DGKB: variants seen among roughly 807,000 people sequenced by gnomAD.
DGKB encodes the protein 90 kDa diacylglycerol kinase.
In DGKB, 67 loss-of-function variants were observed where a neutral mutation model predicts 114.3. The observed-to-expected ratio is 0.59, with a 90% CI of 0.48 to 0.72. The LOEUF (loss-of-function observed/expected upper bound fraction) is 0.72, where lower values mean the gene tolerates loss of function less well. DGKB is among the 30% of genes least tolerant of loss of function. The pLI, the probability that DGKB is intolerant of heterozygous loss-of-function variation, is 0.00. For missense variants in DGKB, 907 were observed against 975.2 expected (o/e 0.93, Z 0.93); for synonymous variants, 398 against 323.1 (o/e 1.23, Z -2.49).
chr7:14,428,980 GT>G (rs2128783056), intron 21 of DGKB, among the ~76,000 whole-genome samples: 1 of 152,100 alleles, frequency 6.6e-6, no homozygotes, highest in African/African-American at 2.4e-5. Flanking sequence ...AAAGTTGGTG[GT>G]TTAATAATAC....
At chr7:14,445,345 T>C (rs954984801) in intron 21 of DGKB, among the ~76,000 whole-genome samples, 11 of 152,052 alleles carry the variant, frequency 7.2e-5, no homozygotes, top group African/African-American at 1.9e-4. Context: ...ATTTATTATG[T>C]GGAAGAGGAA....
chr7:14,573,016 G>A (rs561382837), intron 20 of DGKB, among the ~76,000 whole-genome samples: 89 of 152,128 alleles, frequency 5.9e-4, no homozygotes, highest in African/African-American at 2.0e-3. Context: ...ATGGGCATGA[G>A]GGTTCTGATT....
At chr7:14,515,252 T>C (rs1788602636) in intron 20 of DGKB, among the ~76,000 whole-genome samples, 1 of 152,188 alleles carries the variant, frequency 6.6e-6, no homozygotes, top group African/African-American at 2.4e-5. Context: ...TTTCCTAAAT[T>C]AGCAATTGTA....
intron 3 of DGKB, among the ~76,000 whole-genome samples, chr7:14,754,585 A>AC (rs1194973411): frequency 2.0e-5 from 3 of 152,094 alleles, no homozygotes; most frequent in African/African-American, 7.2e-5. Flanking sequence ...AAAGAAAAAA[A>AC]AAATGTGTGG....
intron 21 of DGKB, among the ~76,000 whole-genome samples, chr7:14,407,319 AC>A (rs780839261): frequency 2.6e-5 from 4 of 152,140 alleles, no homozygotes; most frequent in Non-Finnish European, 5.9e-5. Flanking sequence ...TGAGTAACAA[AC>A]AACCTCAAAA....
Position 14,736,197 on chromosome 7 carries a change from G to GT in DGKB, c.169-4_169-3insA. On this transcript the variant is annotated splice_region_variant and splice_polypyrimidine_tract_variant and intron_variant, in intron 4 of 25. Coordinates refer to ENST00000402815, the MANE Select transcript of DGKB (RefSeq NM_001350709.2). ...TTGAAACCTTCAAAATCTATTGTCT[G>GT]GAAAAAAAAAATGTAAACATGTATT... The GT allele has an allele frequency of 7.2e-6, 1 of 139,280 alleles. No homozygotes were observed. The highest frequency in any genetic ancestry group is 1.5e-5 in the Non-Finnish European group (1 of 66,770). 8.6% of individuals were successfully genotyped at this position (139,280 alleles called of 1,614,324 possible).
intron 1 of DGKB, among the ~76,000 whole-genome samples, chr7:14,939,367 T>C (rs777290589): frequency 6.6e-6 from 1 of 152,140 alleles, no homozygotes; most frequent in Non-Finnish European, 1.5e-5. Context: ...CATTATCAAA[T>C]AGAAATACCC....
intron 20 of DGKB, among the ~76,000 whole-genome samples, chr7:14,555,743 G>A (rs977930213): frequency 5.3e-5 from 8 of 152,096 alleles, no homozygotes; most frequent in South Asian, 2.1e-4. Context: ...TAAAGAAGCC[G>A]GCCAAAACCC....
intron 14 of DGKB, among the ~76,000 whole-genome samples, chr7:14,624,311 A>G (rs1563712412): frequency 6.6e-6 from 1 of 152,342 alleles, no homozygotes; most frequent in East Asian, 1.9e-4. Flanking sequence ...AAAATCTGCA[A>G]TGTGAAAGAT....
chr7:14,260,303 T>A (rs1796582122), intron 23 of DGKB, among the ~76,000 whole-genome samples: 1 of 152,210 alleles, frequency 6.6e-6, no homozygotes, highest in African/African-American at 2.4e-5. Context: ...TCATTAGGAC[T>A]CCTTATAAGC....
intron 20 of DGKB, among the ~76,000 whole-genome samples, chr7:14,519,418 CAATATTTTGTTTCTTTT>C (rs1341478315): frequency 1.3e-5 from 2 of 152,054 alleles, no homozygotes; most frequent in African/African-American, 4.8e-5. Context: ...TAGCACATAG[CAATATTTTGTTTCTTTT>C]AACTGCAAAC....
intron 17 of DGKB, among the ~76,000 whole-genome samples, chr7:14,592,327 T>G (rs773790211): frequency 6.6e-6 from 1 of 151,938 alleles, no homozygotes; most frequent in African/African-American, 2.4e-5. Context: ...TTAGAAAAAA[T>G]AATTTCAAGA....
chr7:14,848,596 C>G (rs1232820702), intron 1 of DGKB, among the ~76,000 whole-genome samples: 3 of 152,184 alleles, frequency 2.0e-5, no homozygotes, highest in Non-Finnish European at 4.4e-5. Context: ...TTCCCCTAAG[C>G]TCTGCTTCAA....
intron 21 of DGKB, among the ~76,000 whole-genome samples, chr7:14,392,995 G>GTTTTTTTGTTTTTTTTTT (rs1554404750): frequency 4.5e-4 from 27 of 60,544 alleles, no homozygotes; most frequent in South Asian, 8.3e-4. Context: ...TTTTGTTTTT[G>GTTTTTTTGTTTTTTTTTT]TTTTTTTTTT....
At chr7:14,707,050 C>T (rs929280700) in intron 6 of DGKB, among the ~76,000 whole-genome samples, 4 of 150,324 alleles carry the variant, frequency 2.7e-5, no homozygotes, top group African/African-American at 9.8e-5. Context: ...AAAGGATCAA[C>T]AAAATTGACA....
chr7:14,659,199 C>T (rs1444271285), intron 13 of DGKB, among the ~76,000 whole-genome samples: 1 of 151,994 alleles, frequency 6.6e-6, no homozygotes, highest in East Asian at 1.9e-4. Flanking sequence ...CCAGGAAGAA[C>T]ACACCATAAC....
chr7:14,411,450 T>C (rs1824864125), intron 21 of DGKB, among the ~76,000 whole-genome samples: 3 of 152,184 alleles, frequency 2.0e-5, no homozygotes, highest in Admixed American at 6.5e-5. Context: ...TAAATTAATA[T>C]AAAATCTCTG....
At chr7:14,170,564 T>C (rs1344843952) in intron 25 of DGKB, among the ~76,000 whole-genome samples, 1 of 152,206 alleles carries the variant, frequency 6.6e-6, no homozygotes, top group African/African-American at 2.4e-5. Context: ...GATATTAACT[T>C]GCTGGGTCTT....
At chr7:14,779,823 C>A (rs1294130301) in intron 2 of DGKB, among the ~76,000 whole-genome samples, 1 of 152,112 alleles carries the variant, frequency 6.6e-6, no homozygotes, top group South Asian at 2.1e-4. Flanking sequence ...AAATATTTTA[C>A]TAAGAACTTT....
Sources: allele counts gnomAD v4.1 joint callset (sites outside exome capture counted in the v4.1 genomes callset), GRCh38; gene constraint gnomAD v4.1.1; transcripts MANE v1.5; gene names NCBI Gene and HGNC (gene_info 2026-07-23, HGNC 2026-07-21).